The following PUS7L variants were observed in gnomAD, a reference collection of about 807,000 sequenced individuals.
PUS7L encodes pseudouridylate synthase PUS7L.
PUS7L carries 49 observed loss-of-function variants against 51.1 expected under a neutral mutation model. The ratio of observed to expected loss-of-function variants is 0.96; its 90% CI spans 0.76 to 1.22. The LOEUF (loss-of-function observed/expected upper bound fraction) is 1.22, where lower values mean the gene tolerates loss of function less well. Ranked by LOEUF, PUS7L falls within the 50% of genes most tolerant of loss-of-function variation. The pLI, the probability that PUS7L is intolerant of heterozygous loss-of-function variation, is 0.00. For synonymous variants in PUS7L, 277 were observed against 276.2 expected (o/e 1.00, Z -0.03); for missense variants, 828 against 820.6 (o/e 1.01, Z -0.11).
At chr12:43,753,612 A>G (rs1403915274) in intron 2 of PUS7L, among the ~76,000 whole-genome samples, 1 of 152,190 alleles carries the variant, frequency 6.6e-6, no homozygotes, top group Admixed American at 6.5e-5. Flanking sequence ...ATTGAGGCCA[A>G]TTAAACCTAG....
chr12:43,735,364 A>T (rs1164750851), intron 7 of PUS7L, among the ~76,000 whole-genome samples: 2 of 151,256 alleles, frequency 1.3e-5, no homozygotes, highest in East Asian at 3.9e-4. Flanking sequence ...AAATAAAAAT[A>T]AAAAATAAAA....
rs568903029 is a variant in PUS7L at position 43,746,857 on chromosome 12, C to G, written c.1071-619G>C. ...TCTAGTTTTTTGCGTCTGCTAAAAT[C>G]TTACTATTACTTGAAGTGTAATTAA... On this transcript the variant is annotated intron_variant, in intron 3 of 8. Transcript: ENST00000344862. 3.3e-5 allele frequency among the ~76,000 whole-genome samples: 5 copies of G among 152,290 alleles called. No individual in the cohort carries two copies. In the South Asian group the frequency reaches 1.0e-3, roughly 32 times the overall value.
Position 43,721,499 on chromosome 12 carries a change from A to C in PUS7L, c.*8877T>G, listed in dbSNP as rs1168050978. 1 of 152,180 alleles carries C rather than the reference A, an allele frequency of 6.6e-6. No homozygotes were observed. The highest frequency in any genetic ancestry group is 1.5e-5 in the Non-Finnish European group (1 of 68,014). The allele number at this position is 152,180 out of a possible 1,614,324, so 9.4% of individuals were successfully genotyped here. A position where few individuals can be genotyped will look rare whatever the true frequency, so the allele number is the denominator to read the frequency against. On this transcript the variant is annotated 3_prime_UTR_variant, in exon 9 of 9. Coordinates refer to ENST00000344862, the MANE Select transcript of PUS7L (RefSeq NM_031292.5). ...TCTTGAGATGTGTATTCAGCAAATAAATTTGCTAAGGTATATTTGCAGTAT... is the reference window on the plus strand; with the variant it reads ...TCTTGAGATGTGTATTCAGCAAATACATTTGCTAAGGTATATTTGCAGTAT...
intron 7 of PUS7L, among the ~76,000 whole-genome samples, chr12:43,734,037 C>T (rs1466924623): frequency 6.6e-6 from 1 of 152,188 alleles, no homozygotes; most frequent in Non-Finnish European, 1.5e-5. Flanking sequence ...AGTAGCGGCA[C>T]TCTCATTTTC....
rs1165606507 is a variant in PUS7L, at chr12:43,724,449, A to T, written c.*5927T>A. The T allele has an allele frequency of 6.6e-6, 1 of 152,140 alleles. No homozygotes were observed. Among genetic ancestry groups the T allele is most frequent in the African/African-American group, 2.4e-5 (1 of 41,450 alleles). The allele number at this position is 152,140 out of a possible 1,614,324, so 9.4% of individuals were successfully genotyped here. A position where few individuals can be genotyped will look rare whatever the true frequency, so the allele number is the denominator to read the frequency against. On this transcript the variant is annotated 3_prime_UTR_variant, in exon 9 of 9. Transcript: ENST00000344862. ...ACTAACTGTAATAATACTAGCTGAAATTTACTGAGAATTTGCTAGGCACCA... is the reference window on the plus strand; with the variant it reads ...ACTAACTGTAATAATACTAGCTGAATTTTACTGAGAATTTGCTAGGCACCA...
At position 43,719,688 on chromosome 12, in the gene PUS7L, G is replaced by C. The variant is rs897031287; in HGVS notation, c.*10688C>G. 43 of 152,070 alleles carry C rather than the reference G, an allele frequency of 2.8e-4. No individual in the cohort carries two copies. Among genetic ancestry groups the C allele is most frequent in the African/African-American group, 9.9e-4 (41 of 41,412 alleles). The allele number at this position is 152,070 out of a possible 1,614,324, so 9.4% of individuals were successfully genotyped here. ...TATAGTATTCACATAACATAATACT[G>C]TCAAATTATATTTTTAAATGAATTT... On this transcript the variant is annotated 3_prime_UTR_variant, in exon 9 of 9. Transcript: ENST00000344862.
At chr12:43,731,410 C>T (rs557522453) in intron 8 of PUS7L, among the ~76,000 whole-genome samples, 3 of 152,054 alleles carry the variant, frequency 2.0e-5, no homozygotes, top group South Asian at 2.1e-4. Context: ...GACAGAAAAC[C>T]GATCAGGGGT....
At chr12:43,756,296 C>T (rs1178917329) in intron 1 of PUS7L, among the ~76,000 whole-genome samples, 1 of 152,184 alleles carries the variant, frequency 6.6e-6, no homozygotes, top group Non-Finnish European at 1.5e-5. Flanking sequence ...TAATTGAAAT[C>T]TGGCTATTTC....
intron 5 of PUS7L, 33 bp from the exon 6 acceptor site, chr12:43,738,424 T>G: frequency 9.1e-7 from 1 of 1,103,582 alleles, no homozygotes; most frequent in East Asian, 2.4e-5. Flanking sequence ...CATGTGTTAA[T>G]GAAAATGTCA....
At position 43,755,001 on chromosome 12, in the gene PUS7L, T is replaced by C. The variant is rs1445918240; in HGVS notation, c.245A>G (p.Asp82Gly). 2 of 1,613,076 alleles carry C rather than the reference T, an allele frequency of 1.2e-6. No homozygotes were observed. Among genetic ancestry groups the C allele is most frequent in the Non-Finnish European group, 1.7e-6 (2 of 1,179,560 alleles). The change falls in exon 2 of 9, where the codon GAT (aspartate) becomes GGT (glycine). Residue 82 changes from aspartate to glycine, a missense_variant. Asp to Gly is a moderately conservative substitution (Grantham distance 94). Coordinates refer to ENST00000344862, the MANE Select transcript of PUS7L (RefSeq NM_031292.5). ...AGTATGAACTTCTTGGTTTCTTCCA[T>C]CTTCTAAGGACAGATTTTGAAGATC... ...KLDLQNLSLE[D>G]GRNQEVHTLI...
At chr12:43,744,355 T>C (rs940218128) in intron 4 of PUS7L, among the ~76,000 whole-genome samples, 7 of 152,202 alleles carry the variant, frequency 4.6e-5, no homozygotes, top group African/African-American at 1.7e-4. Context: ...CCCCATGCTG[T>C]TCTCATGAGA....
At chr12:43,749,653 G>T (rs1023685242) in intron 2 of PUS7L, among the ~76,000 whole-genome samples, 1 of 152,104 alleles carries the variant, frequency 6.6e-6, no homozygotes, top group Non-Finnish European at 1.5e-5. Flanking sequence ...CTGGGTGAAA[G>T]AGCGAGACCC....
In PUS7L at chr12:43,746,182, C is replaced by T. The variant is rs754778928; in HGVS notation, c.1127G>A (p.Arg376Gln). The T allele has an allele frequency of 1.1e-5, 16 of 1,509,686 alleles. No individual in the cohort carries two copies. In the East Asian group the frequency reaches 2.6e-4, roughly 24 times the overall value. 93.5% of individuals were successfully genotyped at this position (1,509,686 alleles called of 1,614,324 possible). A position where few individuals can be genotyped will look rare whatever the true frequency, so the allele number is the denominator to read the frequency against. ...AAGTCTCAGGGAATCATCTACAGAC[C>T]GAATATTAAAGACATTCATTCTTTT... The part of the protein sequence containing the change: ...EKKRMNVFNI[R>Q]SVDDSLRLGQ... Residue 376 changes from arginine (R) to glutamine (Q), a missense_variant, in exon 4 of 9, where the codon CGG becomes CAG. Transcript: ENST00000344862.
chr12:43,734,427 A>G (rs1046087933), intron 7 of PUS7L, among the ~76,000 whole-genome samples: 3 of 152,192 alleles, frequency 2.0e-5, no homozygotes, highest in African/African-American at 4.8e-5. Context: ...GCCTGAATCA[A>G]TCATGGGCTT....
intron 7 of PUS7L, among the ~76,000 whole-genome samples, chr12:43,734,757 A>G (rs1011566322): frequency 2.0e-5 from 3 of 152,140 alleles, no homozygotes; most frequent in Non-Finnish European, 2.9e-5. Flanking sequence ...TCTACTCTCC[A>G]ATCTGGGACC....
chr12:43,735,089 G>A (rs1467034230), intron 7 of PUS7L, among the ~76,000 whole-genome samples: 1 of 152,120 alleles, frequency 6.6e-6, no homozygotes, highest in South Asian at 2.1e-4. Context: ...GCCGAGGCGG[G>A]TGGATCACGA....
At chr12:43,758,328 G>T (rs745399699) in intron 1 of PUS7L, 144 of 985,378 alleles carry the variant, frequency 1.5e-4, no homozygotes, top group Non-Finnish European at 1.6e-4. Context: ...AAGCCTGAAG[G>T]TGCAGTATTC....
At position 43,736,409 on chromosome 12, in the gene PUS7L, A is replaced by G. The variant is rs750065065; in HGVS notation, c.1697T>C (p.Ile566Thr). 1.2e-5 allele frequency: 20 copies of G among 1,614,068 alleles called. No individual in the cohort carries two copies. Among genetic ancestry groups the G allele is most frequent in the South Asian group, 3.3e-5 (3 of 91,080 alleles). ...QGDLVCLDED[I>T]DDENFPNSKI... is the part of the protein sequence containing the mutation. ...ACTATTTGGGAAATTCTCGTCATCAATGTCTTCATCCAAACAGACCAAATC... is the reference window on the plus strand; with the variant it reads ...ACTATTTGGGAAATTCTCGTCATCAGTGTCTTCATCCAAACAGACCAAATC... The change falls in exon 7 of 9, where the codon ATT (isoleucine) becomes ACT (threonine). Residue 566 changes from isoleucine to threonine, a missense_variant. Physicochemically the swap from Ile to Thr is moderately conservative, Grantham distance 89 (BLOSUM62 -1). Coordinates refer to ENST00000344862, the MANE Select transcript of PUS7L (RefSeq NM_031292.5).
At position 43,730,491 on chromosome 12, in the gene PUS7L, T is replaced by C. The variant is rs772919425; in HGVS notation, c.1991A>G (p.Lys664Arg). 4 of 1,613,788 alleles carry C rather than the reference T, an allele frequency of 2.5e-6. No individual in the cohort carries two copies. The highest frequency in any genetic ancestry group is 1.3e-5 in the African/African-American group (1 of 74,924). ...QLMEDHDIDV[K>R]TKGSHIDETA... is the part of the protein sequence containing the mutation. ...TTCATCAATGTGGGAACCTTTCGTT[T>C]TGACATCAATGTCATGATCTTCCAT... Residue 664 changes from lysine to arginine, a missense_variant, in exon 9 of 9, where the codon AAA (lysine) becomes AGA (arginine). Physicochemically the swap from Lys to Arg is conservative, Grantham distance 26. Transcript: ENST00000344862.
Sources: gnomAD v4.1 joint callset for allele counts (sites outside exome capture counted in the v4.1 genomes callset) on GRCh38, gnomAD v4.1.1 for gene constraint, MANE v1.5 for transcripts, NCBI Gene and HGNC (gene_info 2026-07-23, HGNC 2026-07-21) for gene names.